ALDH1A2: variants seen among roughly 807,000 people sequenced by gnomAD.
ALDH1A2 encodes the protein aldehyde dehydrogenase 1 family member A2, also known as retinal dehydrogenase 2.
Under a neutral mutation model 60.3 loss-of-function variants are expected in ALDH1A2, and 27 were observed. The observed-to-expected ratio is 0.45, with a 90% CI of 0.33 to 0.62. ALDH1A2 has a LOEUF of 0.62. Among genes scored for constraint, ALDH1A2 ranks in the 20% least tolerant of loss-of-function variants. The pLI is 0.02. For missense variants in ALDH1A2, 581 were observed against 643.8 expected, an observed-to-expected ratio of 0.90 and a Z score of 1.06; for synonymous variants, 289 against 232.4, an observed-to-expected ratio of 1.24 and a Z score of -2.21.
intron 1 of ALDH1A2, among the ~76,000 whole-genome samples, chr15:58,064,545 T>G (rs978180538): frequency 4.6e-5 from 7 of 152,242 alleles, no homozygotes; most frequent in Admixed American, 1.3e-4. Flanking sequence ...ACCATATGCA[T>G]GTGCGTCTAT....
At chr15:58,033,971 G>C (rs1333520088) in intron 1 of ALDH1A2, among the ~76,000 whole-genome samples, 1 of 150,766 alleles carries the variant, frequency 6.6e-6, no homozygotes, top group African/African-American at 2.4e-5. Flanking sequence ...GGCTATTCTA[G>C]GTCTTTTGCC....
At chr15:58,014,062 G>C in intron 2 of ALDH1A2, 64 bp from the exon 3 acceptor site, 1 of 1,613,972 alleles carries the variant, frequency 6.2e-7, no homozygotes, top group Non-Finnish European at 8.5e-7. Context: ...ACCATCCACT[G>C]TCATGAAAAA....
intron 8 of ALDH1A2, chr15:57,964,730 T>C (rs1178365362): frequency 6.5e-6 from 1 of 152,702 alleles, no homozygotes. Flanking sequence ...TCCATATTCA[T>C]CCCTTATATC....
At chr15:57,995,267 A>T in intron 4 of ALDH1A2, 128 bp from the exon 5 acceptor site, 1 of 719,468 alleles carries the variant, frequency 1.4e-6, no homozygotes. Context: ...AAAACATCCT[A>T]CTCAACCGTG....
At chr15:57,960,045 A>T (rs1893669792) in intron 12 of ALDH1A2, among the ~76,000 whole-genome samples, 1 of 152,202 alleles carries the variant, frequency 6.6e-6, no homozygotes, top group Admixed American at 6.5e-5. Flanking sequence ...TCCCTGTAGC[A>T]GATCATATCT....
intron 12 of ALDH1A2, among the ~76,000 whole-genome samples, chr15:57,958,694 C>G (rs753049593): frequency 5.3e-5 from 8 of 151,478 alleles, no homozygotes; most frequent in Admixed American, 1.3e-4. Flanking sequence ...AGTGGAGTTT[C>G]TGAGGCTGTA....
Position 57,972,795 on chromosome 15 carries a change from A to C in ALDH1A2, c.799-6968T>G, listed in dbSNP as rs1017658960. 3.9e-5 allele frequency among the ~76,000 whole-genome samples: 6 copies of C among 152,288 alleles called. No individual in the cohort carries two copies. The East Asian group carries it at 9.6e-4, about 24-fold the overall frequency. On this transcript the variant is annotated intron_variant, in intron 7 of 12. Coordinates refer to ENST00000249750, the MANE Select transcript of ALDH1A2 (RefSeq NM_003888.4). The stretch of plus-strand genomic sequence containing the variant: ...CATTCAAACTGGTATTTTTAAATAA[A>C]ATACTGAATGATTCACGAATGGACT...
Position 58,010,588 on chromosome 15 carries a change from G to A in ALDH1A2, c.493+61C>T, listed in dbSNP as rs1895600888. 2.5e-6 allele frequency: 4 copies of A among 1,600,494 alleles called. No individual in the cohort carries two copies. In the African/African-American group the frequency reaches 4.0e-5, roughly 16 times the overall value. ...GTGTGACTGCTGTTTGTGTTTGGTG[G>A]CCAAAGCGCATTTCTGGTGGTTTCA... is the stretch of plus-strand genomic sequence containing the variant. On this transcript the variant is annotated intron_variant, in intron 4 of 12. Coordinates refer to ENST00000249750, the MANE Select transcript of ALDH1A2 (RefSeq NM_003888.4).
At chr15:58,039,496 C>T (rs1368791110) in intron 1 of ALDH1A2, among the ~76,000 whole-genome samples, 1 of 151,746 alleles carries the variant, frequency 6.6e-6, no homozygotes, top group Non-Finnish European at 1.5e-5. Flanking sequence ...CATTTACTAT[C>T]CCCCTGGAAT....
At chr15:58,000,539 T>TA (rs1363450948) in intron 4 of ALDH1A2, among the ~76,000 whole-genome samples, 1 of 152,004 alleles carries the variant, frequency 6.6e-6, no homozygotes, top group Admixed American at 6.6e-5. Context: ...AGCTACCTGT[T>TA]AGCCTTAAGG....
At chr15:57,985,254 G>A (rs569211220) in intron 7 of ALDH1A2, among the ~76,000 whole-genome samples, 5 of 152,070 alleles carry the variant, frequency 3.3e-5, no homozygotes, top group South Asian at 4.2e-4. Flanking sequence ...CTCCTGCTTC[G>A]AGTTGTTGAC....
At chr15:57,998,288 A>AT (rs1374282465) in intron 4 of ALDH1A2, among the ~76,000 whole-genome samples, 2 of 152,132 alleles carry the variant, frequency 1.3e-5, no homozygotes, top group African/African-American at 4.8e-5. Flanking sequence ...ACATGGTCCT[A>AT]TATCTAGAAA....
At chr15:57,996,475 T>C (rs772673453) in intron 4 of ALDH1A2, among the ~76,000 whole-genome samples, 14 of 151,560 alleles carry the variant, frequency 9.2e-5, no homozygotes, top group Non-Finnish European at 1.6e-4. Flanking sequence ...CGGGATATTA[T>C]TCAGTCTTTT....
intron 1 of ALDH1A2, among the ~76,000 whole-genome samples, chr15:58,030,374 T>G (rs141743959): frequency 6.6e-6 from 1 of 152,182 alleles, no homozygotes; most frequent in Non-Finnish European, 1.5e-5. Context: ...AAACTAGGTA[T>G]TGATAGAATG....
chr15:57,988,282 G>A (rs1339875235), intron 7 of ALDH1A2, among the ~76,000 whole-genome samples: 1 of 152,148 alleles, frequency 6.6e-6, no homozygotes, highest in South Asian at 2.1e-4. Context: ...TGTGATTGAG[G>A]TGCATATTGT....
chr15:57,955,767 G>T (rs1326874489), intron 12 of ALDH1A2, among the ~76,000 whole-genome samples: 1 of 152,176 alleles, frequency 6.6e-6, no homozygotes, highest in Non-Finnish European at 1.5e-5. Context: ...AAGACGGAGG[G>T]TGGGAGTGGG....
chr15:57,972,544 C>T (rs1017294555), intron 7 of ALDH1A2, among the ~76,000 whole-genome samples: 4 of 152,198 alleles, frequency 2.6e-5, no homozygotes, highest in African/African-American at 9.7e-5. Flanking sequence ...CCTGCTCAAA[C>T]TCAGCCTGAG....
intron 1 of ALDH1A2, among the ~76,000 whole-genome samples, chr15:58,027,416 T>TA (rs1302259582): frequency 6.6e-6 from 1 of 152,118 alleles, no homozygotes; most frequent in Non-Finnish European, 1.5e-5. Context: ...CAAAGGTAGA[T>TA]AAAACCACAA....
Position 58,065,558 on chromosome 15 carries a change from G to C in ALDH1A2, c.93C>G (p.Pro31=), listed in dbSNP as rs968110530. 1 of 1,613,674 alleles carries C rather than the reference G, an allele frequency of 6.2e-7. No homozygotes were observed. The highest frequency in any genetic ancestry group is 1.3e-5 in the African/African-American group (1 of 75,038). Residue 31 remains proline, a synonymous_variant, in exon 1 of 13, where the codon CCC becomes CCG. Transcript: ENST00000249750. ...CCTTGGTGTACTTAATTTCGAGATT[G>C]GGCGTGGGCGACGGCAGGAGGTGCA... is the stretch of plus-strand genomic sequence containing the variant. ...ASLHLLPSPT[P]NLEIKYTKIF...
Sources: allele counts gnomAD v4.1 joint callset (sites outside exome capture counted in the v4.1 genomes callset), GRCh38; gene constraint gnomAD v4.1.1; transcripts MANE v1.5; gene names NCBI Gene and HGNC (gene_info 2026-07-23, HGNC 2026-07-21).